The following KIF19 variants were observed in gnomAD, a reference collection of about 807,000 sequenced individuals.
KIF19 encodes kinesin family member 19.
KIF19 carries 98 observed loss-of-function variants against 106.6 expected under a neutral mutation model. The observed-to-expected ratio is 0.92, with a 90% CI of 0.78 to 1.09. The LOEUF is 1.09. Ranked by LOEUF, KIF19 falls within the 50% of genes least tolerant of loss-of-function variation. The pLI is 0.00. For synonymous variants in KIF19, 516 were observed against 584.2 expected, an observed-to-expected ratio of 0.88 and a Z score of 1.68; for missense variants, 1,373 against 1,414.3, an observed-to-expected ratio of 0.97 and a Z score of 0.47.
In KIF19 at chr17:74,355,540, G is replaced by T. The variant is rs768860797; in HGVS notation, c.*228G>T. ...CAGGGGACATGGCCAGGACGGCTGG[G>T]CTCCCTGGCTTCCCAGCCCTGGACA... On this transcript the variant is annotated 3_prime_UTR_variant, in exon 20 of 20. Transcript: ENST00000389916. The T allele has an allele frequency of 1.2e-5, 6 of 507,584 alleles. No homozygotes were observed. Among genetic ancestry groups the T allele is most frequent in the Non-Finnish European group, 1.3e-5 (4 of 302,730 alleles). 31.4% of individuals were successfully genotyped at this position (507,584 alleles called of 1,614,324 possible).
chr17:74,350,621 G>A lies in KIF19; in HGVS notation c.1388+46G>A. On this transcript the variant is annotated intron_variant, in intron 11 of 19. Coordinates refer to ENST00000389916, the MANE Select transcript of KIF19 (RefSeq NM_153209.4). ...CCTCCAGGCCCCACCCCTGTGCCTG[G>A]GACAGAGGAGCACGACCTGTGGCTG... 5 of 1,609,874 alleles carry A rather than the reference G, an allele frequency of 3.1e-6. No homozygotes were observed. The South Asian group carries it at 3.3e-5, about 11-fold the overall frequency.
chr17:74,332,950 G>T (rs987075218), intron 2 of KIF19, among the ~76,000 whole-genome samples: 1 of 152,194 alleles, frequency 6.6e-6, no homozygotes, highest in Admixed American at 6.5e-5. Context: ...CACCCACCCC[G>T]AGAGCTGTCG....
chr17:74,341,443 G>T (rs558563326), intron 2 of KIF19, among the ~76,000 whole-genome samples: 1 of 152,156 alleles, frequency 6.6e-6, no homozygotes, highest in Admixed American at 6.5e-5. Flanking sequence ...CAGCATGGGG[G>T]GTGTTGAAGT....
At position 74,341,857 on chromosome 17, in the gene KIF19, C is replaced by G. The variant is rs1464740341; in HGVS notation, c.121-19C>G. ...GGGGTTCCCAGGTGACCGTGGGCCTCCCTCTGGGGACCTTGCAGATGGTGG... is the reference window on the plus strand; with the variant it reads ...GGGGTTCCCAGGTGACCGTGGGCCTGCCTCTGGGGACCTTGCAGATGGTGG... On this transcript the variant is annotated intron_variant, in intron 2 of 19. Transcript: ENST00000389916. The G allele has an allele frequency of 6.3e-7, 1 of 1,597,282 alleles. No individual in the cohort carries two copies. Among genetic ancestry groups the G allele is most frequent in the African/African-American group, 1.3e-5 (1 of 74,576 alleles).
chr17:74,342,783 C>T, intron 4 of KIF19, 66 bp downstream of exon 4: 2 of 1,439,346 alleles, frequency 1.4e-6, no homozygotes, highest in Non-Finnish European at 2.0e-6. Flanking sequence ...CACCCTCCAA[C>T]TAGTCTGACC....
intron 7 of KIF19, 139 bp downstream of exon 7, chr17:74,345,094 G>C (rs1214648926): frequency 2.4e-6 from 2 of 821,178 alleles, no homozygotes; most frequent in Non-Finnish European, 3.7e-6. Flanking sequence ...AGGGACGCTG[G>C]CATCTCAGCT....
At chr17:74,339,168 A>G (rs2054291772) in intron 2 of KIF19, among the ~76,000 whole-genome samples, 1 of 151,862 alleles carries the variant, frequency 6.6e-6, no homozygotes, top group African/African-American at 2.4e-5. Context: ...GGGACAGGGC[A>G]GGAACTCCCC....
At chr17:74,333,247 C>G (rs1371857474) in intron 2 of KIF19, among the ~76,000 whole-genome samples, 2 of 152,214 alleles carry the variant, frequency 1.3e-5, no homozygotes, top group Non-Finnish European at 2.9e-5. Flanking sequence ...GCTTAGCCAC[C>G]TGCCTGTGTC....
Position 74,354,802 on chromosome 17 carries a change from C to A in KIF19, c.2727C>A (p.His909Gln). The stretch of plus-strand genomic sequence containing the variant: ...CACAGCTCTCCCACCCCAAGACACA[C>A]CTCCTGGGGCCCCATCAGGCGGAGC... The part of the protein sequence containing the change: ...TGQGLSHPKT[H>Q]LLGPHQAERI... Residue 909 changes from histidine to glutamine, a missense_variant, in exon 19 of 20, where the codon CAC (histidine) becomes CAA (glutamine). By Grantham distance (24) the His-to-Gln change is conservative. This residue lies in a region of KIF19 where 1,020 missense variants were observed against 1,008.2 expected (regional missense o/e 1.01). Transcript: ENST00000389916. The A allele has an allele frequency of 6.4e-7, 1 of 1,558,966 alleles. No homozygotes were observed. The highest frequency in any genetic ancestry group is 8.7e-7 in the Non-Finnish European group (1 of 1,151,498).
intron 7 of KIF19, among the ~76,000 whole-genome samples, 182 bp downstream of exon 7, chr17:74,345,137 C>T (rs1017990318): frequency 6.6e-6 from 1 of 151,860 alleles, no homozygotes; most frequent in Non-Finnish European, 1.5e-5. Context: ...GATGTCGCAG[C>T]GAGGTGGAGG....
At position 74,344,750 on chromosome 17, in the gene KIF19, C is replaced by G. The variant is rs377449569; in HGVS notation, c.583-11C>G. On this transcript the variant is annotated splice_polypyrimidine_tract_variant and intron_variant, in intron 6 of 19. Coordinates refer to ENST00000389916, the MANE Select transcript of KIF19 (RefSeq NM_153209.4). ...AGTCGCTAAGAGCTGCCTCTCCTCC[C>G]TCCCACCCAGATCATGCAGCTGCTG... 2.3e-4 allele frequency: 372 copies of G among 1,602,374 alleles called. 1 individual carries two copies. In the South Asian group the frequency reaches 3.9e-3, roughly 17 times the overall value.
rs201262345 is a variant in KIF19, at chr17:74,344,789, G to C, written c.611G>C (p.Arg204Pro). 6.2e-7 allele frequency: 1 copy of C among 1,610,002 alleles called. No homozygotes were observed. The highest frequency in any genetic ancestry group is 8.5e-7 in the Non-Finnish European group (1 of 1,177,602). The change falls in exon 7 of 20, where the codon CGG becomes CCG. Residue 204 changes from arginine to proline, a missense_variant. By Grantham distance (103) the Arg-to-Pro change is moderately radical. This residue lies in a region of KIF19 where 348 missense variants were observed against 389.5 expected (regional missense o/e 0.89). Coordinates refer to ENST00000389916, the MANE Select transcript of KIF19 (RefSeq NM_153209.4). ...ATGCAGCTGCTGATGAAGGGGAACC[G>C]GCAGAGGACCCAGGAGCCCACGGCC... ...EIMQLLMKGN[R>P]QRTQEPTAAN...
chr17:74,344,322 G>A lies in KIF19; in HGVS notation c.556G>A (p.Glu186Lys), dbSNP rs141653211. The change falls in exon 6 of 20, where the codon GAA becomes AAA. Residue 186 changes from glutamate (E) to lysine (K), a missense_variant. This residue lies in a region of KIF19 where 348 missense variants were observed against 389.5 expected (regional missense o/e 0.89). Transcript: ENST00000389916. ...KGVIQVAGIT[E>K]VSTINAKEIM... ...GGTGATCCAGGTGGCCGGCATCACC[G>A]AAGTCTCCACCATCAATGCCAAGGA... 19 of 1,612,594 alleles carry A rather than the reference G, an allele frequency of 1.2e-5. No homozygotes were observed. Among genetic ancestry groups the A allele is most frequent in the Non-Finnish European group, 1.4e-5 (17 of 1,179,748 alleles).
rs28673468 is a variant in KIF19, at chr17:74,328,402, A to C, written c.40-23A>C. 3.2e-3 allele frequency: 5,056 copies of C among 1,593,248 alleles called. 124 individuals are homozygous for C. In the African/African-American group the frequency reaches 0.056, roughly 18 times the overall value. ...AGCATGGTCCTCTCCCTCTAATCCC[A>C]GGGGCTTGGTTTTCCCTCCCAGGTG... On this transcript the variant is annotated intron_variant, in intron 1 of 19. Transcript: ENST00000389916.
intron 2 of KIF19, among the ~76,000 whole-genome samples, chr17:74,339,308 T>C (rs776107240): frequency 6.6e-6 from 1 of 151,824 alleles, no homozygotes; most frequent in Non-Finnish European, 1.5e-5. Context: ...GGCTCTGCCA[T>C]TTCCTAGCAA....
Position 74,352,953 on chromosome 17 carries a change from AG to A in KIF19, c.2114+1del, listed in dbSNP as rs2054761633. The A allele has an allele frequency of 1.2e-6, 2 of 1,613,546 alleles. No homozygotes were observed. Among genetic ancestry groups the A allele is most frequent in the East Asian group, 4.5e-5 (2 of 44,858 alleles). ...NSALPPLSTE[S>X]EGHHVFKAGT... Reference sequence around the variant, plus strand: ...CGCCCTCCCTCCCCTCAGCACAGAGAGGTGAGATGGGGGCCACCTGCCCCAG... The same window carrying A: ...CGCCCTCCCTCCCCTCAGCACAGAGAGTGAGATGGGGGCCACCTGCCCCAG... On this transcript the variant is annotated frameshift_variant and splice_region_variant, in exon 15 of 20. Transcript: ENST00000389916. LOFTEE classifies it high-confidence loss of function.
At chr17:74,352,762 T>C (rs1281398031) in intron 14 of KIF19, 59 bp from the exon 15 acceptor site, 4 of 1,603,766 alleles carry the variant, frequency 2.5e-6, no homozygotes, top group Middle Eastern at 1.7e-4. Flanking sequence ...TGTGACTCTG[T>C]GCTGATTTGG....
rs531845526 is a variant in KIF19, at chr17:74,354,862, C to A, written c.2787C>A (p.His929Gln). The A allele has an allele frequency of 1.1e-5, 17 of 1,564,794 alleles. No homozygotes were observed. Among genetic ancestry groups the A allele is most frequent in the Middle Eastern group, 1.7e-4 (1 of 6,006 alleles). Residue 929 changes from histidine to glutamine, a missense_variant, in exon 19 of 20, where the codon CAC (histidine) becomes CAA (glutamine). By Grantham distance (24) the His-to-Gln change is conservative. Around this residue, in one of 3 missense-constraint regions of KIF19, gnomAD observed 1,020 missense variants for 1,008.2 expected, o/e 1.01. Coordinates refer to ENST00000389916, the MANE Select transcript of KIF19 (RefSeq NM_153209.4). ...ACCACAGGATGCCAGTGTGCAGGCA[C>A]CCAGCCCCTGGTATCCGGCATCTGG... ...ISDHRMPVCRHPAPGIRHLGK... is the reference protein window; with the variant it reads ...ISDHRMPVCRQPAPGIRHLGK...
chr17:74,342,014 G>A (rs753188794), intron 3 of KIF19, 28 bp downstream of exon 3: 26 of 1,439,772 alleles, frequency 1.8e-5, no homozygotes, highest in South Asian at 2.3e-5. Context: ...CTGGAGACAC[G>A]CAGGAGCCCC....
Sources: gnomAD v4.1 joint callset for allele counts (sites outside exome capture counted in the v4.1 genomes callset) on GRCh38, gnomAD v4.1.1 for gene constraint, gnomAD v4.1.1 regional missense constraint, MANE v1.5 for transcripts, NCBI Gene and HGNC (gene_info 2026-07-23, HGNC 2026-07-21) for gene names.